The following PI4KA variants were observed in gnomAD, a reference collection of about 807,000 sequenced individuals.
The protein encoded by PI4KA is PI4-kinase alpha.
A neutral mutation model predicts 271.4 loss-of-function variants in PI4KA; 122 were observed. The observed-to-expected ratio is 0.45, with a 90% confidence interval of 0.39 to 0.52. PI4KA has a LOEUF of 0.52. Ranked by LOEUF, PI4KA falls within the 20% of genes least tolerant of loss-of-function variation. The pLI is 0.00. For missense variants in PI4KA, 1,969 were observed against 2,769.1 expected (o/e 0.71, Z 6.48); for synonymous variants, 1,041 against 1,078.8 (o/e 0.96, Z 0.69).
intron 50 of PI4KA, 63 bp downstream of exon 50, chr22:20,712,423 A>G: frequency 6.3e-7 from 1 of 1,590,308 alleles, no homozygotes; most frequent in Non-Finnish European, 8.6e-7. Flanking sequence ...GAGGCTGGGT[A>G]TGGGTGGCTG....
chr22:20,805,100 C>A lies in PI4KA; in HGVS notation c.1234G>T (p.Gly412Trp), dbSNP rs772938494. The change falls in exon 11 of 55, where the codon GGG (glycine) becomes TGG (tryptophan). Residue 412 changes from glycine (G) to tryptophan (W), a missense_variant. Around this residue, in one of 13 missense-constraint regions of PI4KA, gnomAD observed 540 missense variants for 555.5 expected, o/e 0.97. Transcript: ENST00000255882. ...FVLEQFNTSQ[G>W]ELQKILHDAD... is the part of the protein sequence containing the mutation. ...TCATGTAGAATCTTCTGGAGCTCCCCCTGGCTCGTGTTGAACTGCTCCAGC... is the reference window on the plus strand; with the variant it reads ...TCATGTAGAATCTTCTGGAGCTCCCACTGGCTCGTGTTGAACTGCTCCAGC... 9 of 1,613,980 alleles carry A rather than the reference C, an allele frequency of 5.6e-6. No homozygotes were observed. The Admixed American group carries it at 1.5e-4, about 27-fold the overall frequency.
chr22:20,730,477 G>A (rs368822511), intron 36 of PI4KA, among the ~76,000 whole-genome samples: 22 of 152,072 alleles, frequency 1.4e-4, no homozygotes, highest in East Asian at 1.4e-3. Flanking sequence ...GTTTCACCAC[G>A]TTGGCCAGGC....
intron 1 of PI4KA, among the ~76,000 whole-genome samples, chr22:20,846,005 C>A (rs1283118970): frequency 6.6e-6 from 1 of 152,106 alleles, no homozygotes; most frequent in Non-Finnish European, 1.5e-5. Flanking sequence ...CGCCTGTAAT[C>A]CCAACACTTT....
At chr22:20,837,788 AG>A (rs1417343771) in intron 2 of PI4KA, among the ~76,000 whole-genome samples, 1 of 152,140 alleles carries the variant, frequency 6.6e-6, no homozygotes, top group Admixed American at 6.6e-5. Flanking sequence ...TTGGAGCTAC[AG>A]GGCTAGATTT....
intron 19 of PI4KA, chr22:20,779,035 GGTTA>G: frequency 1.5e-6 from 1 of 657,220 alleles, no homozygotes; most frequent in Non-Finnish European, 2.4e-6. Context: ...GATTCTAGAA[GGTTA>G]GTTTTGCAAA....
chr22:20,790,699 A>AACACACAC (rs362174), intron 19 of PI4KA, among the ~76,000 whole-genome samples: 135 of 139,384 alleles, frequency 9.7e-4, no homozygotes, highest in Middle Eastern at 3.6e-3. Context: ...AAAAAAAACA[A>AACACACAC]ACACACACAC....
In PI4KA at chr22:20,801,842, T is replaced by C. The variant is rs547294624; in HGVS notation, c.1724+131A>G. 21 of 955,334 alleles carry C rather than the reference T, an allele frequency of 2.2e-5. 1 individual carries two copies. The African/African-American group carries it at 3.0e-4, about 13-fold the overall frequency. 59.2% of individuals were successfully genotyped at this position (955,334 alleles called of 1,614,324 possible). A position where few individuals can be genotyped will look rare whatever the true frequency, so the allele number is the denominator to read the frequency against. On this transcript the variant is annotated intron_variant, in intron 14 of 54. Coordinates refer to ENST00000255882, the MANE Select transcript of PI4KA (RefSeq NM_058004.4). ...CAGAGGTAGCAGTGAGCCGAGATTG[T>C]GCCACTGCATTCCAGCCTGGGCAAC...
At chr22:20,769,911 G>A (rs1466780113) in intron 19 of PI4KA, among the ~76,000 whole-genome samples, 1 of 152,178 alleles carries the variant, frequency 6.6e-6, no homozygotes, top group Admixed American at 6.5e-5. Flanking sequence ...ACCCGTCCAT[G>A]GAAGAAACAC....
chr22:20,779,743 A>G, intron 19 of PI4KA: 1 of 1,614,256 alleles, frequency 6.2e-7, no homozygotes, highest in Non-Finnish European at 8.5e-7. Flanking sequence ...CTGAAAGACC[A>G]GGTCAACACT....
At chr22:20,802,197 C>A in intron 13 of PI4KA, 92 bp from the exon 14 acceptor site, 2 of 1,186,434 alleles carry the variant, frequency 1.7e-6, no homozygotes, top group South Asian at 1.4e-5. Flanking sequence ...ATATGCTGAT[C>A]ATTTATAAAA....
chr22:20,819,849 A>G lies in PI4KA; in HGVS notation c.581T>C (p.Phe194Ser), dbSNP rs758217574. 4.3e-6 allele frequency: 7 copies of G among 1,613,878 alleles called. No individual in the cohort carries two copies. Among genetic ancestry groups the G allele is most frequent in the Non-Finnish European group, 5.9e-6 (7 of 1,179,848 alleles). ...CTCTTCCATGTTGCTGTAACGCCCA[A>G]ATGCTCGCGAGATTCCTATCAGGCA... The part of the protein sequence containing the change: ...IPCLIGISRA[F>S]GRYSNMEESL... The change falls in exon 6 of 55, where the codon TTT (phenylalanine) becomes TCT (serine). Residue 194 changes from phenylalanine to serine, a missense_variant. Phe to Ser is a radical substitution (Grantham distance 155, BLOSUM62 -2). Coordinates refer to ENST00000255882, the MANE Select transcript of PI4KA (RefSeq NM_058004.4).
intron 1 of PI4KA, among the ~76,000 whole-genome samples, chr22:20,850,639 G>A (rs1601621323): frequency 6.6e-6 from 1 of 151,802 alleles, no homozygotes; most frequent in South Asian, 2.1e-4. Context: ...GGGTTTCACC[G>A]TGTTAGCCAG....
chr22:20,792,466 T>C (rs984145573), intron 19 of PI4KA, among the ~76,000 whole-genome samples: 1 of 151,914 alleles, frequency 6.6e-6, no homozygotes, highest in Admixed American at 6.6e-5. Flanking sequence ...CTCAAACTAC[T>C]ATGGGGTGAG....
intron 19 of PI4KA, chr22:20,779,831 C>G: frequency 6.2e-7 from 1 of 1,614,146 alleles, no homozygotes; most frequent in Non-Finnish European, 8.5e-7. Context: ...AGGGAGAGAC[C>G]CATGAACAAG....
intron 1 of PI4KA, 78 bp downstream of exon 1, chr22:20,858,492 A>AGACCCTC: frequency 9.2e-7 from 1 of 1,084,836 alleles, no homozygotes; most frequent in Non-Finnish European, 1.2e-6. Context: ...GGCCTCCCAC[A>AGACCCTC]GACCCTCGTC....
chr22:20,817,490 C>CT (rs1921959952), intron 7 of PI4KA, among the ~76,000 whole-genome samples: 1 of 151,976 alleles, frequency 6.6e-6, no homozygotes, highest in African/African-American at 2.4e-5. Context: ...AATCCTAGCA[C>CT]TTTGAGAGAC....
chr22:20,797,072 G>A (rs1396290051), intron 17 of PI4KA, among the ~76,000 whole-genome samples: 1 of 152,190 alleles, frequency 6.6e-6, no homozygotes, highest in Non-Finnish European at 1.5e-5. Flanking sequence ...CGGGAAGAGT[G>A]AAACACCACG....
rs138035543 is a variant in PI4KA, at chr22:20,725,726, T to C, written c.4995+762A>G. The C allele has an allele frequency of 1.4e-3, 406 of 284,654 alleles. 3 individuals carry two copies. Among genetic ancestry groups the C allele is most frequent in the African/African-American group, 8.2e-3 (373 of 45,420 alleles). The allele number at this position is 284,654 out of a possible 1,614,324, so 17.6% of individuals were successfully genotyped here. ...CCTGGGACAACATAGCGAAACTCCA[T>C]CTCTACAAAAAATACAAAAATTAGC... On this transcript the variant is annotated intron_variant, in intron 42 of 54. Coordinates refer to ENST00000255882, the MANE Select transcript of PI4KA (RefSeq NM_058004.4).
intron 27 of PI4KA, 44 bp from the exon 28 acceptor site, chr22:20,750,038 C>G: frequency 4.7e-6 from 6 of 1,270,762 alleles, no homozygotes; most frequent in Non-Finnish European, 6.9e-6. Context: ...GAGGTCAGTT[C>G]ATCTGAGCTG....
Sources: gnomAD v4.1 joint callset for allele counts (sites outside exome capture counted in the v4.1 genomes callset) on GRCh38, gnomAD v4.1.1 for gene constraint, gnomAD v4.1.1 regional missense constraint, MANE v1.5 for transcripts, NCBI Gene and HGNC (gene_info 2026-07-23, HGNC 2026-07-21) for gene names.